The following TGIF1 variants were observed in gnomAD, a reference collection of about 807,000 sequenced individuals.
The protein encoded by TGIF1 is TGFB induced factor homeobox 1, also known as homeobox protein TGIF1.
A neutral mutation model predicts 19.3 loss-of-function variants in TGIF1; 4 were observed. The ratio of observed to expected loss-of-function variants is 0.21; its 90% CI spans 0.10 to 0.47. TGIF1 has a LOEUF of 0.47. Among genes scored for constraint, TGIF1 ranks in the 20% least tolerant of loss-of-function variants. The pLI is 0.98. For missense variants in TGIF1, 275 were observed against 341.4 expected, an observed-to-expected ratio of 0.81 and a Z score of 1.53; for synonymous variants, 122 against 129.3, an observed-to-expected ratio of 0.94 and a Z score of 0.38.
At chr18:3,427,109 A>G (rs574031936) in intron 2 of TGIF1, among the ~76,000 whole-genome samples, 16 of 151,776 alleles carry the variant, frequency 1.1e-4, no homozygotes, top group African/African-American at 3.9e-4. Context: ...ATGCCCGGCT[A>G]ATTTTTGTAT....
chr18:3,459,362 GAA>G lies in TGIF1; in HGVS notation c.*1428_*1429del, dbSNP rs1197180200. The G allele has an allele frequency of 2.0e-5, 3 of 152,204 alleles. No homozygotes were observed. The highest frequency in any genetic ancestry group is 4.4e-5 in the Non-Finnish European group (3 of 67,988). 9.4% of individuals were successfully genotyped at this position (152,204 alleles called of 1,614,324 possible). ...TCAAAGACTTTCCTTGTAAGTGAAA[GAA>G]AAAAACTGCTGATGATTACCAAGAG... is the stretch of plus-strand genomic sequence containing the variant. On this transcript the variant is annotated 3_prime_UTR_variant, in exon 3 of 3. Coordinates refer to ENST00000343820, the MANE Select transcript of TGIF1 (RefSeq NM_003244.4).
chr18:3,449,545 C>T (rs1009291157), upstream of TGIF1: 10 of 979,754 alleles, frequency 1.0e-5, no homozygotes, highest in Non-Finnish European at 9.7e-6. Flanking sequence ...CATTCCCCCC[C>T]GCCCCACCCC....
rs1166752139 is a variant in TGIF1 at position 3,452,941 on chromosome 18, GA to G, written c.16+2438del. Among the ~76,000 whole-genome samples, 3 of 152,294 alleles carry G rather than the reference GA, an allele frequency of 2.0e-5. No homozygotes were observed. The East Asian group carries it at 5.8e-4, about 29-fold the overall frequency. ...TCCTAAAATGACTTAAAAACAATGA[GA>G]AGGATCGATAAGGAAAATCCACTAA... On this transcript the variant is annotated intron_variant, in intron 1 of 2. Transcript: ENST00000343820.
chr18:3,447,621 G>C, upstream of TGIF1: 7 of 1,126,376 alleles, frequency 6.2e-6, no homozygotes, highest in South Asian at 1.3e-5. Context: ...GCGTTGGCTG[G>C]GGGGAGGCAG....
intron 2 of TGIF1, among the ~76,000 whole-genome samples, chr18:3,434,563 A>T (rs369011396): frequency 1.3e-5 from 2 of 151,650 alleles, no homozygotes; most frequent in African/African-American, 4.8e-5. Flanking sequence ...AAAATAAAAA[A>T]AATTAGCCAG....
chr18:3,424,922 A>G (rs368390674), intron 2 of TGIF1, among the ~76,000 whole-genome samples: 9 of 152,280 alleles, frequency 5.9e-5, no homozygotes, highest in East Asian at 5.8e-4. Context: ...ATCCTTTCTA[A>G]TATCCTTTAT....
chr18:3,447,773 CG>C, upstream of TGIF1: 2 of 1,614,160 alleles, frequency 1.2e-6, no homozygotes, highest in South Asian at 2.2e-5. Flanking sequence ...TGCATTGGCC[CG>C]ATCAAGCCTG....
chr18:3,442,405 A>G (rs1270960812), intron 2 of TGIF1, among the ~76,000 whole-genome samples: 2 of 152,076 alleles, frequency 1.3e-5, no homozygotes, highest in Non-Finnish European at 1.5e-5. Flanking sequence ...ACTTAGTCCA[A>G]TGATTTTTTT....
At position 3,452,689 on chromosome 18, in the gene TGIF1, C is replaced by G. The variant is rs1018727970; in HGVS notation, c.16+2184C>G. On this transcript the variant is annotated intron_variant, in intron 1 of 2. Transcript: ENST00000343820. ...CCTCCCTCTCCCCGTGCTCCTCCGC[C>G]GTCCTCCTCTAAAACTACCTGGGAG... Among the ~76,000 whole-genome samples the G allele has an allele frequency of 4.5e-4, 68 of 152,122 alleles. 1 individual carries two copies. The highest frequency in any genetic ancestry group is 5.2e-4 in the Admixed American group (8 of 15,276).
chr18:3,445,126 C>T (rs1055802612), intron 2 of TGIF1, among the ~76,000 whole-genome samples: 4 of 152,148 alleles, frequency 2.6e-5, no homozygotes, highest in African/African-American at 9.7e-5. Context: ...GTTGAGAACT[C>T]CTGAGCCACA....
chr18:3,418,002 A>T (rs964284819), intron 1 of TGIF1: 1 of 152,042 alleles, frequency 6.6e-6, no homozygotes, highest in Non-Finnish European at 1.5e-5. Context: ...GATACAAAAA[A>T]TATAGGGCTT....
chr18:3,438,107 CTAAT>C (rs2082637430), intron 2 of TGIF1, among the ~76,000 whole-genome samples: 1 of 151,764 alleles, frequency 6.6e-6, no homozygotes, highest in Non-Finnish European at 1.5e-5. Context: ...TGACAAGTGA[CTAAT>C]TAAATAGAAG....
chr18:3,442,481 G>T (rs2082687918), intron 2 of TGIF1, among the ~76,000 whole-genome samples: 2 of 151,774 alleles, frequency 1.3e-5, no homozygotes, highest in Non-Finnish European at 2.9e-5. Context: ...TTTGCTCTTT[G>T]TCAGATGAGC....
chr18:3,447,238 G>C (rs1031371441), upstream of TGIF1, among the ~76,000 whole-genome samples: 1 of 151,560 alleles, frequency 6.6e-6, no homozygotes, highest in Non-Finnish European at 1.5e-5. Context: ...GCCTCCGCCA[G>C]CACCAAGCAA....
intron 2 of TGIF1, among the ~76,000 whole-genome samples, chr18:3,427,467 T>A (rs1476264125): frequency 1.3e-5 from 2 of 149,714 alleles, no homozygotes; most frequent in African/African-American, 4.9e-5. Context: ...AATTTTTGTA[T>A]TTTTAGTAGA....
chr18:3,432,144 A>AAAAAAAG (rs199561203), intron 2 of TGIF1, among the ~76,000 whole-genome samples: 2 of 138,462 alleles, frequency 1.4e-5, no homozygotes, highest in Non-Finnish European at 3.0e-5. Context: ...AAAAAAAAAA[A>AAAAAAAG]CACTAAGAAA....
At position 3,456,330 on chromosome 18, in the gene TGIF1, C is replaced by A. The variant is rs374352097; in HGVS notation, c.17-24C>A. On this transcript the variant is annotated intron_variant, in intron 1 of 2. Coordinates refer to ENST00000343820, the MANE Select transcript of TGIF1 (RefSeq NM_003244.4). This position sits in a 1 kb window ranked among gnomAD's most constrained non-coding sequence, Gnocchi z 4.2. ...GTTGCTGTGCTTATAAAGCAACTGA[C>A]AACTGGCCCTTGTCCTTTCCTAGGT... 7.1e-5 allele frequency: 115 copies of A among 1,608,840 alleles called. No homozygotes were observed. In the African/African-American group the frequency reaches 1.4e-3, roughly 19 times the overall value.
Position 3,422,689 on chromosome 18 carries a change from T to TTTG in TGIF1, c.-45+4476_-45+4477insGTT, listed in dbSNP as rs1568029592. Among the ~76,000 whole-genome samples, 1,091 of 136,428 alleles carry TTTG rather than the reference T, an allele frequency of 8.0e-3. 44 individuals are homozygous for TTTG. Among genetic ancestry groups the TTTG allele is most frequent in the African/African-American group, 0.028 (1,039 of 37,196 alleles). The allele number at this position is 136,428 out of a possible 152,430, so 89.5% of individuals were successfully genotyped here. On this transcript the variant is annotated intron_variant, in intron 2 of 3. Coordinates refer to the TGIF1 transcript ENST00000401449. The stretch of plus-strand genomic sequence containing the variant: ...ATAGGTGGCCTTTTTTTTTTTTTTT[T>TTTG]TTTTTTTTTTTTTTTTTTTGAGACA...
In TGIF1 at chr18:3,444,461, TCACTCAA is replaced by T. The variant is rs1248144076; in HGVS notation, c.-44-11892_-44-11886del. 2.6e-5 allele frequency among the ~76,000 whole-genome samples: 4 copies of T among 152,120 alleles called. No individual in the cohort carries two copies. In the East Asian group the frequency reaches 7.7e-4, roughly 29 times the overall value. ...GCTCCTCTCCCTCCTCCCACCCTCC[TCACTCAA>T]GTAAACCCCAGTGTCTGATGTTTCC... On this transcript the variant is annotated intron_variant, in intron 2 of 3. Coordinates refer to the TGIF1 transcript ENST00000401449.
Sources: gnomAD v4.1 joint callset for allele counts (sites outside exome capture counted in the v4.1 genomes callset) on GRCh38, gnomAD v4.1.1 for gene constraint, Gnocchi (gnomAD v3.1) non-coding constraint, MANE v1.5 for transcripts, NCBI Gene and HGNC (gene_info 2026-07-23, HGNC 2026-07-21) for gene names.